SORCS2: variants seen among roughly 807,000 people sequenced by gnomAD.
The protein encoded by SORCS2 is VPS10 domain-containing receptor SorCS2.
Under a neutral mutation model 141.6 loss-of-function variants are expected in SORCS2, and 100 were observed. That is an observed-to-expected ratio of 0.71 (90% confidence interval 0.60 to 0.83). The LOEUF (loss-of-function observed/expected upper bound fraction) is 0.83, where lower values mean the gene tolerates loss of function less well. SORCS2 is among the 40% of genes least tolerant of loss of function. SORCS2 has a pLI of 0.00. For synonymous variants in SORCS2, 789 were observed against 676.9 expected, an observed-to-expected ratio of 1.17 and a Z score of -2.57; for missense variants, 1,646 against 1,560.2, an observed-to-expected ratio of 1.05 and a Z score of -0.93.
At chr4:7,322,510 G>C (rs1464763207) in intron 1 of SORCS2, among the ~76,000 whole-genome samples, 1 of 152,184 alleles carries the variant, frequency 6.6e-6, no homozygotes, top group Non-Finnish European at 1.5e-5. Flanking sequence ...CCAGGGGCCT[G>C]GCAGGGCTGG....
chr4:7,741,209 C>G lies in SORCS2; in HGVS notation c.*945C>G, dbSNP rs1291428400. 2 of 398,746 alleles carry G rather than the reference C, an allele frequency of 5.0e-6. No individual in the cohort carries two copies. Among genetic ancestry groups the G allele is most frequent in the Non-Finnish European group, 8.8e-6 (2 of 226,122 alleles). 24.7% of individuals were successfully genotyped at this position (398,746 alleles called of 1,614,324 possible). ...TGCAGTTCCTTATAGGCGAAGGGAACCGGGTGGAAACCAAGCTGGGAGAGG... is the reference window on the plus strand; with the variant it reads ...TGCAGTTCCTTATAGGCGAAGGGAAGCGGGTGGAAACCAAGCTGGGAGAGG... On this transcript the variant is annotated 3_prime_UTR_variant, in exon 27 of 27. Coordinates refer to ENST00000507866, the MANE Select transcript of SORCS2 (RefSeq NM_020777.3).
At chr4:7,635,936 A>G (rs958150222) in intron 3 of SORCS2, among the ~76,000 whole-genome samples, 15 of 152,228 alleles carry the variant, frequency 9.9e-5, no homozygotes, top group Admixed American at 9.2e-4. Flanking sequence ...GAAAGAATCT[A>G]TGGGATCACC....
chr4:7,228,401 T>G (rs1015643031), intron 1 of SORCS2, among the ~76,000 whole-genome samples: 1 of 152,152 alleles, frequency 6.6e-6, no homozygotes, highest in Non-Finnish European at 1.5e-5. Flanking sequence ...CCTGCATGTG[T>G]CCGGTGCTGT....
At chr4:7,491,442 C>A (rs142528055) in intron 2 of SORCS2, among the ~76,000 whole-genome samples, 1 of 152,232 alleles carries the variant, frequency 6.6e-6, no homozygotes, top group Admixed American at 6.5e-5. Context: ...GCAGGTGCAG[C>A]GGCTGCACTT....
intron 1 of SORCS2, among the ~76,000 whole-genome samples, chr4:7,283,271 A>C (rs1455765891): frequency 1.3e-5 from 2 of 152,240 alleles, no homozygotes; most frequent in Admixed American, 6.5e-5. Context: ...GTTCGAGGAC[A>C]GTTTCCCTGC....
At chr4:7,538,587 T>TCA (rs34526550) in intron 3 of SORCS2, among the ~76,000 whole-genome samples, 9,668 of 150,644 alleles carry the variant, frequency 0.064, 333 homozygotes, top group Admixed American at 0.091. Context: ...AATATTAAAA[T>TCA]CACACACACA....
At chr4:7,670,959 A>G (rs534910940) in intron 8 of SORCS2, among the ~76,000 whole-genome samples, 1 of 152,346 alleles carries the variant, frequency 6.6e-6, no homozygotes, top group South Asian at 2.1e-4. Flanking sequence ...AGCTTCCAGG[A>G]GATTTAAAGG....
At chr4:7,440,577 C>T (rs1386409336) in intron 2 of SORCS2, among the ~76,000 whole-genome samples, 3 of 152,232 alleles carry the variant, frequency 2.0e-5, no homozygotes, top group Non-Finnish European at 2.9e-5. Flanking sequence ...GCCTCCTTCT[C>T]CTGAAGCCCA....
chr4:7,361,850 GA>G (rs1251478822), intron 1 of SORCS2, among the ~76,000 whole-genome samples: 1 of 144,044 alleles, frequency 6.9e-6, no homozygotes, highest in East Asian at 2.2e-4. Flanking sequence ...GGTGCTCAGA[GA>G]AGCTTCTGAG....
At chr4:7,583,562 T>TG (rs1394564393) in intron 3 of SORCS2, among the ~76,000 whole-genome samples, 2 of 152,192 alleles carry the variant, frequency 1.3e-5, no homozygotes, top group Non-Finnish European at 2.9e-5. Context: ...AACTGAATCA[T>TG]GGGGGCAGTT....
chr4:7,255,707 C>T lies in SORCS2; in HGVS notation c.480+62581C>T, dbSNP rs534445803. ...GCCATAACTGAGAAACCATCTGTTC[C>T]AATCTTTCATCTAACTAGGCCTGTG... On this transcript the variant is annotated intron_variant, in intron 1 of 26. Transcript: ENST00000507866. Among the ~76,000 whole-genome samples the T allele has an allele frequency of 3.9e-5, 6 of 152,284 alleles. No homozygotes were observed. In the East Asian group the frequency reaches 1.2e-3, roughly 29 times the overall value.
At chr4:7,578,099 A>T (rs946598776) in intron 3 of SORCS2, among the ~76,000 whole-genome samples, 1 of 152,194 alleles carries the variant, frequency 6.6e-6, no homozygotes, top group Non-Finnish European at 1.5e-5. Context: ...TCATGAATAG[A>T]TTAATGTCCT....
At chr4:7,552,916 A>C (rs1407439328) in intron 3 of SORCS2, among the ~76,000 whole-genome samples, 2 of 152,210 alleles carry the variant, frequency 1.3e-5, no homozygotes, top group Non-Finnish European at 2.9e-5. Flanking sequence ...AAGGTTAGAA[A>C]AATGGATGGA....
intron 1 of SORCS2, among the ~76,000 whole-genome samples, chr4:7,311,865 GTTTATT>G (rs1018878739): frequency 4.6e-5 from 7 of 151,798 alleles, no homozygotes; most frequent in African/African-American, 1.7e-4. Context: ...TCTTTTTTTA[GTTTATT>G]TTTATTTTTA....
intron 1 of SORCS2, among the ~76,000 whole-genome samples, chr4:7,360,221 C>G (rs750666903): frequency 6.6e-6 from 1 of 152,170 alleles, no homozygotes; most frequent in Non-Finnish European, 1.5e-5. Flanking sequence ...ATACAGTCTT[C>G]GGAATCATAT....
Position 7,483,322 on chromosome 4 carries a change from C to CAAA in SORCS2, c.549-48192_549-48190dup, listed in dbSNP as rs34942012. On this transcript the variant is annotated intron_variant, in intron 2 of 26. Coordinates refer to ENST00000507866, the MANE Select transcript of SORCS2 (RefSeq NM_020777.3). ...TGGGTGACAGAGCGAGACTCCATCTCAAAAAAAAAAAAAAAAAAGACAGTG... is the reference window on the plus strand; with the variant it reads ...TGGGTGACAGAGCGAGACTCCATCTCAAAAAAAAAAAAAAAAAAAAAGACAGTG... Among the ~76,000 whole-genome samples the CAAA allele has an allele frequency of 6.1e-3, 465 of 75,762 alleles. 11 individuals carry two copies. The highest frequency in any genetic ancestry group is 0.021 in the African/African-American group (435 of 20,870). 49.7% of individuals were successfully genotyped at this position (75,762 alleles called of 152,430 possible).
intron 13 of SORCS2, 66 bp from the exon 14 acceptor site, chr4:7,704,111 G>T: frequency 6.8e-7 from 1 of 1,474,328 alleles, no homozygotes. Flanking sequence ...GACCCGCCGG[G>T]CAGAGTCCCA....
chr4:7,474,268 G>A (rs1343215594), intron 2 of SORCS2, among the ~76,000 whole-genome samples: 1 of 152,250 alleles, frequency 6.6e-6, no homozygotes. Flanking sequence ...TCCAGAAACA[G>A]CAGGCTGGGC....
chr4:7,352,552 CCAGT>C (rs1326389934), intron 1 of SORCS2, among the ~76,000 whole-genome samples: 1 of 152,204 alleles, frequency 6.6e-6, no homozygotes, highest in East Asian at 1.9e-4. Context: ...TTAGAGAAAG[CCAGT>C]GGGCTGAGCT....
Sources: gnomAD v4.1 joint callset for allele counts (sites outside exome capture counted in the v4.1 genomes callset) on GRCh38, gnomAD v4.1.1 for gene constraint, MANE v1.5 for transcripts, NCBI Gene and HGNC (gene_info 2026-07-23, HGNC 2026-07-21) for gene names.